LCOR: variants seen among roughly 807,000 people sequenced by gnomAD.
LCOR encodes the protein ligand-dependent corepressor.
Under a neutral mutation model 64.4 loss-of-function variants are expected in LCOR, and 14 were observed. That is an observed-to-expected ratio of 0.22 (90% confidence interval 0.14 to 0.34). The LOEUF is 0.34. Among genes scored for constraint, LCOR ranks in the 10% least tolerant of loss-of-function variants. The probability of loss-of-function intolerance (pLI) is 1.00; values close to 1 mark genes in which losing one functional copy is unlikely to be tolerated. For synonymous variants in LCOR, 643 were observed against 642.5 expected (o/e 1.00, Z -0.01); for missense variants, 1,686 against 1,765.3 (o/e 0.96, Z 0.80).
intron 7 of LCOR, among the ~76,000 whole-genome samples, chr10:96,952,421 A>G (rs557355802): frequency 6.6e-6 from 1 of 152,322 alleles, no homozygotes; most frequent in Admixed American, 6.5e-5. Context: ...GAATATGGCA[A>G]TTATTTCTTT....
chr10:96,934,603 T>C (rs1242010888), intron 4 of LCOR, among the ~76,000 whole-genome samples: 2 of 152,096 alleles, frequency 1.3e-5, no homozygotes, highest in Non-Finnish European at 2.9e-5. Context: ...TGCAACTTTA[T>C]TTTTATTTAT....
At chr10:96,879,455 G>C (rs775455393) in intron 2 of LCOR, among the ~76,000 whole-genome samples, 4 of 152,170 alleles carry the variant, frequency 2.6e-5, no homozygotes, top group Non-Finnish European at 4.4e-5. Context: ...TCTCCACACA[G>C]AGTTTGTGGC....
intron 4 of LCOR, among the ~76,000 whole-genome samples, chr10:96,914,439 C>T (rs1441397664): frequency 2.0e-5 from 3 of 152,188 alleles, no homozygotes; most frequent in African/African-American, 7.2e-5. Flanking sequence ...TCAGGTGATG[C>T]GCCTGCCTCG....
In LCOR at chr10:96,949,050, G is replaced by T. The variant is rs377237764; in HGVS notation, c.-8G>T. ...GACCCCAATATTCCCCTAGTGGCCC[G>T]TGAGATCATGCAGCGAATGATCCAA... On this transcript the variant is annotated 5_prime_UTR_variant, in exon 6 of 8. Transcript: ENST00000421806. 3 of 1,613,642 alleles carry T rather than the reference G, an allele frequency of 1.9e-6. No homozygotes were observed. The highest frequency in any genetic ancestry group is 2.5e-6 in the Non-Finnish European group (3 of 1,179,834).
rs762921857 is a variant in LCOR at position 96,984,556 on chromosome 10, G to T, written c.4096G>T (p.Asp1366Tyr). The T allele has an allele frequency of 6.2e-7, 1 of 1,614,236 alleles. No individual in the cohort carries two copies. The highest frequency in any genetic ancestry group is 1.1e-5 in the South Asian group (1 of 91,084). Reference sequence around the variant, plus strand: ...CAAGCTTGCCCTGCAAGTGGATGCAGATGGGTTTCCTGTTAAGCCCAAGAG... The same window carrying T: ...CAAGCTTGCCCTGCAAGTGGATGCATATGGGTTTCCTGTTAAGCCCAAGAG... ...SPKLALQVDA[D>Y]GFPVKPKSTE... The change falls in exon 8 of 8, where the codon GAT becomes TAT. Residue 1366 changes from aspartate to tyrosine, a missense_variant. By Grantham distance (160) the Asp-to-Tyr change is radical (BLOSUM62 -3). Transcript: ENST00000421806.
Position 96,982,818 on chromosome 10 carries a change from A to G in LCOR, c.2358A>G (p.Lys786=), listed in dbSNP as rs1437898857. The G allele has an allele frequency of 6.2e-7, 1 of 1,614,088 alleles. No individual in the cohort carries two copies. The highest frequency in any genetic ancestry group is 1.1e-5 in the South Asian group (1 of 91,074). Residue 786 remains lysine (K), a synonymous_variant, in exon 8 of 8, where the codon AAA becomes AAG. Transcript: ENST00000421806. Reference sequence around the variant, plus strand: ...GTGATGTAAAATGCCTGTCAGAAAAAGACACGTATGATACAAGCATTGACT... The same window carrying G: ...GTGATGTAAAATGCCTGTCAGAAAAGGACACGTATGATACAAGCATTGACT... ...EDGDVKCLSE[K]DTYDTSIDSL...
At chr10:96,945,379 A>C (rs1326689634) in intron 5 of LCOR, among the ~76,000 whole-genome samples, 4 of 152,102 alleles carry the variant, frequency 2.6e-5, no homozygotes, top group Non-Finnish European at 5.9e-5. Context: ...AGAAATGCAG[A>C]GATTATTTTC....
At chr10:96,906,313 G>C (rs1302471078) in intron 2 of LCOR, among the ~76,000 whole-genome samples, 1 of 152,182 alleles carries the variant, frequency 6.6e-6, no homozygotes, top group Non-Finnish European at 1.5e-5. Flanking sequence ...AGGCCGCACT[G>C]AGAGTGCATA....
intron 7 of LCOR, among the ~76,000 whole-genome samples, chr10:96,969,741 G>A (rs1049362607): frequency 4.2e-5 from 6 of 143,458 alleles, no homozygotes; most frequent in Admixed American, 4.1e-4. Flanking sequence ...GTTTAGAGGT[G>A]TTCATTTCAA....
intron 3 of LCOR, 131 bp downstream of exon 3, chr10:96,907,461 T>G (rs1846748832): frequency 4.8e-6 from 1 of 207,862 alleles, no homozygotes; most frequent in Admixed American, 6.5e-5. Context: ...AAGCATCTTT[T>G]TGTGTTTAGT....
At chr10:96,865,691 A>G (rs183793108) in intron 2 of LCOR, among the ~76,000 whole-genome samples, 113 of 152,104 alleles carry the variant, frequency 7.4e-4, no homozygotes, top group African/African-American at 2.6e-3. Flanking sequence ...CCTGGCCAAC[A>G]TGGGGAACCC....
intron 7 of LCOR, among the ~76,000 whole-genome samples, chr10:96,974,863 A>G (rs903701747): frequency 6.6e-6 from 1 of 152,230 alleles, no homozygotes; most frequent in Non-Finnish European, 1.5e-5. Flanking sequence ...ATAAAGTGAA[A>G]TTCATCTAAA....
At chr10:96,971,494 G>A (rs1212979494) in intron 7 of LCOR, among the ~76,000 whole-genome samples, 1 of 152,134 alleles carries the variant, frequency 6.6e-6, no homozygotes, top group Non-Finnish European at 1.5e-5. Flanking sequence ...GGAGAAGACG[G>A]TTAGGTCAAT....
At chr10:96,933,346 G>A (rs953130231) in intron 4 of LCOR, among the ~76,000 whole-genome samples, 1 of 152,086 alleles carries the variant, frequency 6.6e-6, no homozygotes, top group African/African-American at 2.4e-5. Flanking sequence ...TAGGATTTCT[G>A]TGCAATATAT....
intron 2 of LCOR, among the ~76,000 whole-genome samples, chr10:96,867,528 T>A (rs762939140): frequency 6.6e-6 from 1 of 152,048 alleles, no homozygotes; most frequent in Non-Finnish European, 1.5e-5. Flanking sequence ...GCTGAGGAGA[T>A]TAAGGCTGCA....
intron 4 of LCOR, among the ~76,000 whole-genome samples, chr10:96,911,093 C>CT (rs71007308): frequency 0.089 from 10,124 of 114,102 alleles, 555 homozygotes; most frequent in South Asian, 0.17. Context: ...TACATGTTCC[C>CT]TTTTTTTTTT....
chr10:96,875,669 C>G (rs955624637), intron 2 of LCOR, among the ~76,000 whole-genome samples: 2 of 152,014 alleles, frequency 1.3e-5, no homozygotes, highest in Non-Finnish European at 2.9e-5. Flanking sequence ...AGAGACCAAC[C>G]TGGGCAACGT....
intron 2 of LCOR, among the ~76,000 whole-genome samples, chr10:96,871,816 C>G (rs1204947498): frequency 3.3e-5 from 5 of 149,444 alleles, no homozygotes; most frequent in African/African-American, 1.0e-4. Context: ...ATTGTTGAAC[C>G]ATGATATTGT....
intron 5 of LCOR, 22 bp downstream of exon 5, chr10:96,944,267 A>G (rs1285109840): frequency 1.0e-6 from 1 of 981,228 alleles, no homozygotes; most frequent in Non-Finnish European, 1.2e-6. Flanking sequence ...TGAAGATGAT[A>G]TTTAGCATCT....
Sources: gnomAD v4.1 joint callset for allele counts (sites outside exome capture counted in the v4.1 genomes callset) on GRCh38, gnomAD v4.1.1 for gene constraint, MANE v1.5 for transcripts, NCBI Gene and HGNC (gene_info 2026-07-23, HGNC 2026-07-21) for gene names.